RBMS3: variants seen among roughly 807,000 people sequenced by gnomAD.
RBMS3 encodes the protein RNA binding motif single stranded interacting protein 3, also known as RNA-binding motif, single-stranded-interacting protein 3.
A neutral mutation model predicts 66.8 loss-of-function variants in RBMS3; 27 were observed. The ratio of observed to expected loss-of-function variants is 0.40; its 90% CI spans 0.30 to 0.56. The LOEUF is 0.56. Ranked by LOEUF, RBMS3 falls within the 20% of genes least tolerant of loss-of-function variation. The probability of loss-of-function intolerance (pLI) is 0.40; values close to 1 mark genes in which losing one functional copy is unlikely to be tolerated. For missense variants in RBMS3, 513 were observed against 549.5 expected, an observed-to-expected ratio of 0.93 and a Z score of 0.66; for synonymous variants, 188 against 183.0, an observed-to-expected ratio of 1.03 and a Z score of -0.22.
At chr3:29,500,884 A>G (rs2043942225) in intron 3 of RBMS3, among the ~76,000 whole-genome samples, 2 of 151,964 alleles carry the variant, frequency 1.3e-5, no homozygotes, top group African/African-American at 4.8e-5. Flanking sequence ...CAAAACATTT[A>G]TGAGGTATTT....
intron 12 of RBMS3, among the ~76,000 whole-genome samples, chr3:29,977,077 TC>T (rs762369859): frequency 1.3e-5 from 2 of 152,108 alleles, no homozygotes; most frequent in African/African-American, 2.4e-5. Context: ...TTTTACAACT[TC>T]CCTCTATTGT....
At chr3:29,795,382 A>G in intron 6 of RBMS3, among the ~76,000 whole-genome samples, 1 of 152,170 alleles carries the variant, frequency 6.6e-6, no homozygotes, top group Non-Finnish European at 1.5e-5. Flanking sequence ...GTATCTTTGC[A>G]TTTTTCAGGT....
chr3:29,832,230 T>C (rs149589878), intron 6 of RBMS3, among the ~76,000 whole-genome samples: 2 of 151,938 alleles, frequency 1.3e-5, no homozygotes, highest in African/African-American at 4.8e-5. Context: ...AAGAGAGAGG[T>C]GGAAGGAGAA....
chr3:29,489,034 A>G (rs2043428118), intron 3 of RBMS3, among the ~76,000 whole-genome samples: 1 of 152,164 alleles, frequency 6.6e-6, no homozygotes, highest in South Asian at 2.1e-4. Flanking sequence ...TCATTGGACT[A>G]TATCTGTGGC....
chr3:29,491,166 C>T (rs1305451380), intron 3 of RBMS3, among the ~76,000 whole-genome samples: 2 of 152,150 alleles, frequency 1.3e-5, no homozygotes, highest in South Asian at 2.1e-4. Flanking sequence ...TCTCCATAAG[C>T]AAATTATATA....
At chr3:29,455,704 G>A (rs989850931) in intron 2 of RBMS3, among the ~76,000 whole-genome samples, 3 of 151,874 alleles carry the variant, frequency 2.0e-5, no homozygotes, top group Non-Finnish European at 2.9e-5. Flanking sequence ...ACTTTCTCAG[G>A]AAGGTGCATC....
chr3:29,841,591 T>C (rs558923312), intron 6 of RBMS3, among the ~76,000 whole-genome samples: 26 of 152,100 alleles, frequency 1.7e-4, no homozygotes, highest in African/African-American at 5.5e-4. Context: ...CCTTATTTGA[T>C]ATAATTTAAT....
intron 1 of RBMS3, among the ~76,000 whole-genome samples, chr3:29,415,156 A>G (rs1348414038): frequency 3.9e-5 from 6 of 152,298 alleles, no homozygotes; most frequent in South Asian, 2.1e-4. Flanking sequence ...CATTGAGATG[A>G]TATTACTCAA....
At chr3:29,393,246 A>G (rs2039390681) in intron 1 of RBMS3, among the ~76,000 whole-genome samples, 1 of 152,218 alleles carries the variant, frequency 6.6e-6, no homozygotes. Context: ...AGTTTAAAAA[A>G]TGCATGGGAC....
intron 1 of RBMS3, among the ~76,000 whole-genome samples, chr3:29,349,312 A>C (rs1261992134): frequency 6.6e-6 from 1 of 152,202 alleles, no homozygotes; most frequent in Admixed American, 6.5e-5. Context: ...TGTAACCCAC[A>C]TCTTGTCCAG....
chr3:29,928,027 C>T (rs1313361575), intron 10 of RBMS3, among the ~76,000 whole-genome samples: 2 of 151,900 alleles, frequency 1.3e-5, no homozygotes, highest in African/African-American at 4.8e-5. Context: ...ATTGACTTAA[C>T]AGTACCAGTG....
At chr3:29,643,830 T>A (rs1283831665) in intron 4 of RBMS3, among the ~76,000 whole-genome samples, 1 of 152,188 alleles carries the variant, frequency 6.6e-6, no homozygotes, top group African/African-American at 2.4e-5. Flanking sequence ...GTCTCATTTC[T>A]GTAATCACAA....
At chr3:29,884,469 T>TCTC (rs1553692501) in intron 8 of RBMS3, among the ~76,000 whole-genome samples, 24 of 66,334 alleles carry the variant, frequency 3.6e-4, no homozygotes, top group East Asian at 6.0e-4. Context: ...TCTCTCTCTC[T>TCTC]CCCCCCCCGC....
At chr3:29,942,579 T>A (rs2061417642) in intron 11 of RBMS3, among the ~76,000 whole-genome samples, 1 of 151,680 alleles carries the variant, frequency 6.6e-6, no homozygotes, top group South Asian at 2.1e-4. Context: ...AATTTGCATG[T>A]GTGGAGTTCA....
intron 2 of RBMS3, among the ~76,000 whole-genome samples, chr3:29,462,211 C>G (rs2042396614): frequency 6.6e-6 from 1 of 152,112 alleles, no homozygotes; most frequent in Non-Finnish European, 1.5e-5. Flanking sequence ...ATTACAGGTT[C>G]ATTTGTTAAG....
At chr3:29,325,564 GTATA>G (rs1317580360) in intron 1 of RBMS3, among the ~76,000 whole-genome samples, 2 of 150,034 alleles carry the variant, frequency 1.3e-5, no homozygotes, top group African/African-American at 4.9e-5. Flanking sequence ...ATGTGTGTAT[GTATA>G]TATATACATG....
intron 2 of RBMS3, among the ~76,000 whole-genome samples, chr3:29,469,922 C>T (rs1214039031): frequency 1.4e-5 from 2 of 147,390 alleles, no homozygotes; most frequent in African/African-American, 4.9e-5. Flanking sequence ...ATTTAATACT[C>T]ATGTATATAT....
chr3:29,410,730 C>T (rs1179504051), intron 1 of RBMS3, among the ~76,000 whole-genome samples: 3 of 152,110 alleles, frequency 2.0e-5, no homozygotes, highest in Non-Finnish European at 4.4e-5. Context: ...GAAAATGGAA[C>T]ATGATGAGCC....
intron 3 of RBMS3, among the ~76,000 whole-genome samples, chr3:29,510,917 T>C (rs972421122): frequency 6.6e-6 from 1 of 152,262 alleles, no homozygotes; most frequent in Non-Finnish European, 1.5e-5. Flanking sequence ...TTTACAAATA[T>C]TTTATTATGA....
Sources: allele counts gnomAD v4.1 joint callset (sites outside exome capture counted in the v4.1 genomes callset), GRCh38; gene constraint gnomAD v4.1.1; transcripts MANE v1.5; gene names NCBI Gene and HGNC (gene_info 2026-07-23, HGNC 2026-07-21).